RNF212B: variants seen among roughly 807,000 people sequenced by gnomAD.
RNF212B encodes ring finger protein 212B.
In RNF212B, 52 loss-of-function variants were observed where a neutral mutation model predicts 55.5. The ratio of observed to expected loss-of-function variants is 0.94; its 90% CI spans 0.75 to 1.18. The LOEUF (loss-of-function observed/expected upper bound fraction) is 1.18. Ranked by LOEUF, RNF212B falls within the 50% of genes most tolerant of loss-of-function variation. The pLI is 0.00. For synonymous variants in RNF212B, 99 were observed against 121.4 expected, an observed-to-expected ratio of 0.82 and a Z score of 1.21; for missense variants, 289 against 350.4, an observed-to-expected ratio of 0.82 and a Z score of 1.40.
chr14:23,208,605 C>T (rs1404295615), intron 2 of RNF212B, among the ~76,000 whole-genome samples: 1 of 152,020 alleles, frequency 6.6e-6, no homozygotes, highest in Non-Finnish European at 1.5e-5. Context: ...GGGGCCCAGA[C>T]CCAGACCCCA....
intron 2 of RNF212B, among the ~76,000 whole-genome samples, chr14:23,210,597 GA>G (rs1192266533): frequency 6.7e-6 from 1 of 148,300 alleles, no homozygotes; most frequent in Non-Finnish European, 1.5e-5. Flanking sequence ...CCAACATAGT[GA>G]AACCCCGTCT....
In RNF212B at chr14:23,264,199, C is replaced by G. The variant is rs560694492; in HGVS notation, c.550C>G (p.Pro184Ala). ...TCGGTCCTCCTCAGCGGAATCTATT[C>G]CTTATAGAGAGGCTGGCTTTGGTAG... ...VSRSSSAESI[P>A]YREAGFGSLG... Residue 184 changes from proline to alanine, a missense_variant, in exon 10 of 15, where the codon CCT becomes GCT. Pro to Ala is a conservative substitution (Grantham distance 27). Coordinates refer to ENST00000430154, the MANE Select transcript of RNF212B (RefSeq NM_001282322.3). 109 of 1,549,902 alleles carry G rather than the reference C, an allele frequency of 7.0e-5. No homozygotes were observed. The South Asian group carries it at 1.1e-3, about 16-fold the overall frequency.
At chr14:23,229,226 A>ATATATATATATG (rs1882323377) in intron 2 of RNF212B, among the ~76,000 whole-genome samples, 4 of 47,610 alleles carry the variant, frequency 8.4e-5, no homozygotes, top group Non-Finnish European at 2.0e-4. Flanking sequence ...TATTTTATAT[A>ATATATATATATG]TATATATATA....
At chr14:23,264,967 A>G (rs1885578660) in intron 11 of RNF212B, among the ~76,000 whole-genome samples, 1 of 152,000 alleles carries the variant, frequency 6.6e-6, no homozygotes, top group African/African-American at 2.4e-5. Context: ...GATTACAGGC[A>G]TGTGCCACCA....
intron 2 of RNF212B, among the ~76,000 whole-genome samples, chr14:23,200,658 A>C (rs540760809): frequency 1.3e-5 from 2 of 152,206 alleles, no homozygotes; most frequent in African/African-American, 4.8e-5. Flanking sequence ...ATCCAAGATA[A>C]ATCTGGGGCT....
At chr14:23,192,504 G>A (rs1878208872) in intron 1 of RNF212B, among the ~76,000 whole-genome samples, 1 of 147,486 alleles carries the variant, frequency 6.8e-6, no homozygotes. Context: ...CTTGGACACA[G>A]GAAGGGGAAC....
At chr14:23,204,733 A>C (rs897487442) in intron 2 of RNF212B, among the ~76,000 whole-genome samples, 3 of 152,102 alleles carry the variant, frequency 2.0e-5, no homozygotes, top group Non-Finnish European at 4.4e-5. Flanking sequence ...TATGAAGTTT[A>C]GAATTGTTTT....
chr14:23,259,230 A>G (rs1885097439), intron 5 of RNF212B, among the ~76,000 whole-genome samples: 1 of 151,828 alleles, frequency 6.6e-6, no homozygotes, highest in South Asian at 2.1e-4. Flanking sequence ...TCCTTGGGAA[A>G]TCAGATATAG....
chr14:23,189,996 T>C (rs1299144847), intron 1 of RNF212B, among the ~76,000 whole-genome samples: 1 of 152,050 alleles, frequency 6.6e-6, no homozygotes, highest in Non-Finnish European at 1.5e-5. Flanking sequence ...CTCTATCAGT[T>C]GGACCACCGG....
At chr14:23,201,559 A>T (rs1434067393) in intron 2 of RNF212B, among the ~76,000 whole-genome samples, 1 of 152,246 alleles carries the variant, frequency 6.6e-6, no homozygotes, top group Non-Finnish European at 1.5e-5. Context: ...TTCCTGTATA[A>T]TTTTTATACC....
chr14:23,258,067 G>T (rs150776318), intron 4 of RNF212B, among the ~76,000 whole-genome samples: 1 of 152,110 alleles, frequency 6.6e-6, no homozygotes, highest in Non-Finnish European at 1.5e-5. Flanking sequence ...GGCCGGGTGC[G>T]GTGGCTCACG....
intron 2 of RNF212B, among the ~76,000 whole-genome samples, chr14:23,202,242 C>T (rs903296900): frequency 1.3e-5 from 1 of 79,700 alleles, no homozygotes; most frequent in African/African-American, 5.1e-5. Flanking sequence ...CAGAACAAGA[C>T]CCTGTCTTAA....
intron 1 of RNF212B, among the ~76,000 whole-genome samples, chr14:23,190,883 C>T (rs1878055467): frequency 1.3e-5 from 2 of 152,178 alleles, no homozygotes; most frequent in African/African-American, 4.8e-5. Flanking sequence ...GTCTCATAGG[C>T]CTCCTTCCTA....
intron 4 of RNF212B, among the ~76,000 whole-genome samples, chr14:23,257,025 C>T (rs866467955): frequency 5.9e-5 from 9 of 152,056 alleles, no homozygotes; most frequent in Non-Finnish European, 1.2e-4. Context: ...TGGTGGCGGA[C>T]GCCTGTAATC....
chr14:23,243,084 A>G (rs972199287), intron 2 of RNF212B, among the ~76,000 whole-genome samples, 172 bp from the exon 3 acceptor site: 1 of 151,542 alleles, frequency 6.6e-6, no homozygotes, highest in Non-Finnish European at 1.5e-5. Context: ...ACTTGTTTAG[A>G]GAACAGAGCT....
chr14:23,226,628 A>C (rs178756), intron 2 of RNF212B, among the ~76,000 whole-genome samples: 78,317 of 151,668 alleles, frequency 0.52, 21,203 homozygotes, highest in African/African-American at 0.69. Flanking sequence ...GAGACTCTGT[A>C]TCAAAAACAA....
At position 23,264,684 on chromosome 14, in the gene RNF212B, GA is replaced by G. The variant is rs1594949502; in HGVS notation, c.634+17del. 2.0e-5 allele frequency: 25 copies of G among 1,281,860 alleles called. No homozygotes were observed. The South Asian group carries it at 2.3e-4, about 12-fold the overall frequency. The allele number at this position is 1,281,860 out of a possible 1,614,324, so 79.4% of individuals were successfully genotyped here. ...GACTCTTATAATGGTGAGGTGGGGG[GA>G]AAAGGGTGTCAGAAATCAACTTACT... On this transcript the variant is annotated intron_variant, in intron 11 of 14. Coordinates refer to ENST00000430154, the MANE Select transcript of RNF212B (RefSeq NM_001282322.3).
chr14:23,191,742 T>C (rs971120902), intron 1 of RNF212B, among the ~76,000 whole-genome samples: 1 of 152,198 alleles, frequency 6.6e-6, no homozygotes, highest in Non-Finnish European at 1.5e-5. Flanking sequence ...TGTATATGTT[T>C]AAATTTTTCT....
At chr14:23,205,717 C>A (rs1879770733) in intron 2 of RNF212B, among the ~76,000 whole-genome samples, 1 of 152,200 alleles carries the variant, frequency 6.6e-6, no homozygotes, top group Non-Finnish European at 1.5e-5. Flanking sequence ...CCAAAACAAA[C>A]CTCCTTACTG....
Sources: gnomAD v4.1 joint callset for allele counts (sites outside exome capture counted in the v4.1 genomes callset) on GRCh38, gnomAD v4.1.1 for gene constraint, MANE v1.5 for transcripts, NCBI Gene and HGNC (gene_info 2026-07-23, HGNC 2026-07-21) for gene names.